SUPT3H: variants seen among roughly 807,000 people sequenced by gnomAD.
SUPT3H encodes the protein SPT3 homolog, SAGA and STAGA complex component, also known as transcription initiation protein SPT3 homolog.
A neutral mutation model predicts 44.3 loss-of-function variants in SUPT3H; 44 were observed. The observed-to-expected ratio is 0.99, with a 90% CI of 0.78 to 1.28. The LOEUF (loss-of-function observed/expected upper bound fraction) is 1.28, where lower values mean the gene tolerates loss of function less well. SUPT3H is among the 50% of genes most tolerant of loss of function. The pLI, the probability that SUPT3H is intolerant of heterozygous loss-of-function variation, is 0.00. For synonymous variants in SUPT3H, 124 were observed against 125.6 expected, an observed-to-expected ratio of 0.99 and a Z score of 0.09; for missense variants, 380 against 387.1, an observed-to-expected ratio of 0.98 and a Z score of 0.15.
At chr6:45,254,209 C>A (rs780279448) in intron 2 of SUPT3H, among the ~76,000 whole-genome samples, 1 of 151,990 alleles carries the variant, frequency 6.6e-6, no homozygotes. Flanking sequence ...AATAGGAACC[C>A]AAGTTGTATT....
At chr6:44,886,798 C>T (rs946045343) in intron 10 of SUPT3H, among the ~76,000 whole-genome samples, 16 of 152,200 alleles carry the variant, frequency 1.1e-4, no homozygotes, top group Non-Finnish European at 1.8e-4. Flanking sequence ...GGACTAAATG[C>T]TCCAATTAAA....
At chr6:45,362,051 C>A (rs569290543) in intron 2 of SUPT3H, among the ~76,000 whole-genome samples, 2 of 152,170 alleles carry the variant, frequency 1.3e-5, no homozygotes, top group Admixed American at 1.3e-4. Flanking sequence ...AGATTCCTCT[C>A]AAAAACAACA....
At chr6:44,941,937 A>G (rs905611495) in intron 9 of SUPT3H, among the ~76,000 whole-genome samples, 7 of 152,164 alleles carry the variant, frequency 4.6e-5, no homozygotes, top group Admixed American at 2.6e-4. Flanking sequence ...AAGCCTCTGA[A>G]GTGGAACAAT....
At chr6:45,158,292 A>ATTTTTTTTTTTTTTTTTTT in intron 2 of SUPT3H, among the ~76,000 whole-genome samples, 1 of 32,340 alleles carries the variant, frequency 3.1e-5, no homozygotes, top group African/African-American at 1.1e-4. Context: ...ATATATATAT[A>ATTTTTTTTTTTTTTTTTTT]TATATATTTT....
intron 2 of SUPT3H, among the ~76,000 whole-genome samples, chr6:45,146,815 A>C (rs1159658428): frequency 6.6e-6 from 1 of 152,144 alleles, no homozygotes; most frequent in Non-Finnish European, 1.5e-5. Flanking sequence ...ATTGAGAAGA[A>C]GCAGCACATC....
chr6:45,347,632 T>C (rs1479918670), intron 2 of SUPT3H, among the ~76,000 whole-genome samples: 1 of 152,106 alleles, frequency 6.6e-6, no homozygotes, highest in Non-Finnish European at 1.5e-5. Flanking sequence ...AGCAAGGGAA[T>C]ATGCACATGA....
At chr6:44,949,449 A>G (rs1773924975) in intron 9 of SUPT3H, among the ~76,000 whole-genome samples, 1 of 152,098 alleles carries the variant, frequency 6.6e-6, no homozygotes, top group African/African-American at 2.4e-5. Flanking sequence ...AAAAGAAAAA[A>G]AAGAAAAAAA....
In SUPT3H at chr6:45,158,250, C is replaced by T. The variant is rs909029450; in HGVS notation, c.102-52244G>A. On this transcript the variant is annotated intron_variant, in intron 2 of 10. Transcript: ENST00000371459. Reference sequence around the variant, plus strand: ...TAGATAGATAGATAGATAGATAATGCCTATATTTTATATATATAAATATAC... The same window carrying T: ...TAGATAGATAGATAGATAGATAATGTCTATATTTTATATATATAAATATAC... Among the ~76,000 whole-genome samples, 341 of 116,364 alleles carry T rather than the reference C, an allele frequency of 2.9e-3. 2 individuals are homozygous for T. Among genetic ancestry groups the T allele is most frequent in the Non-Finnish European group, 4.8e-3 (272 of 57,040 alleles). The allele number at this position is 116,364 out of a possible 152,430, so 76.3% of individuals were successfully genotyped here. A position where few individuals can be genotyped will look rare whatever the true frequency, so the allele number is the denominator to read the frequency against.
chr6:45,273,788 T>G (rs1649584685), intron 2 of SUPT3H, among the ~76,000 whole-genome samples: 1 of 152,218 alleles, frequency 6.6e-6, no homozygotes. Flanking sequence ...GTACAAATTT[T>G]GTGTGGACTT....
chr6:44,896,669 T>A (rs1373987669), intron 10 of SUPT3H, among the ~76,000 whole-genome samples: 1 of 152,172 alleles, frequency 6.6e-6, no homozygotes, highest in Non-Finnish European at 1.5e-5. Context: ...TTTAAACACA[T>A]CTCCTTACTA....
At chr6:45,329,000 A>C (rs1182212174) in intron 2 of SUPT3H, among the ~76,000 whole-genome samples, 1 of 152,020 alleles carries the variant, frequency 6.6e-6, no homozygotes, top group Non-Finnish European at 1.5e-5. Context: ...TGAAATATAC[A>C]AAATTAAATT....
intron 2 of SUPT3H, 22 bp downstream of exon 2, chr6:45,365,179 T>C (rs369776050): frequency 2.1e-5 from 29 of 1,397,882 alleles, no homozygotes; most frequent in Non-Finnish European, 2.9e-5. Context: ...GTAATAGCAA[T>C]AGCATGCAGG....
chr6:44,832,795 C>A (rs942790586), intron 10 of SUPT3H, among the ~76,000 whole-genome samples: 1 of 152,016 alleles, frequency 6.6e-6, no homozygotes, highest in Admixed American at 6.6e-5. Flanking sequence ...TAAGCAGATA[C>A]AGATTTTACC....
At chr6:45,168,283 C>A (rs1810232258) in intron 2 of SUPT3H, among the ~76,000 whole-genome samples, 2 of 152,232 alleles carry the variant, frequency 1.3e-5, no homozygotes, top group African/African-American at 4.8e-5. Context: ...TATCTGTTAT[C>A]CAAAATGCTT....
intron 3 of SUPT3H, chr6:45,099,122 C>A (rs920995212): frequency 2.3e-5 from 8 of 343,558 alleles, no homozygotes; most frequent in African/African-American, 6.6e-5. Context: ...GTCTTCCACA[C>A]CCCCAACCCC....
chr6:44,864,903 T>A (rs1432844855), intron 10 of SUPT3H, among the ~76,000 whole-genome samples: 1 of 152,222 alleles, frequency 6.6e-6, no homozygotes, highest in Non-Finnish European at 1.5e-5. Flanking sequence ...TGGCTTGAAT[T>A]TCTCCTCATA....
At chr6:45,178,443 T>A (rs878855655) in intron 2 of SUPT3H, among the ~76,000 whole-genome samples, 3 of 151,764 alleles carry the variant, frequency 2.0e-5, no homozygotes, top group African/African-American at 7.3e-5. Flanking sequence ...CAAAGAGACT[T>A]AGACTCCCAC....
chr6:44,846,434 G>A (rs961564639), intron 10 of SUPT3H, among the ~76,000 whole-genome samples: 3 of 152,170 alleles, frequency 2.0e-5, no homozygotes, highest in Non-Finnish European at 4.4e-5. Context: ...TACAGTTGAA[G>A]GGAGGAACCT....
At chr6:44,923,581 C>T (rs1056058953) in intron 10 of SUPT3H, among the ~76,000 whole-genome samples, 2 of 152,084 alleles carry the variant, frequency 1.3e-5, no homozygotes, top group Non-Finnish European at 2.9e-5. Context: ...CTGTGCTGAA[C>T]TAAATTTCAG....
Sources: allele counts gnomAD v4.1 joint callset (sites outside exome capture counted in the v4.1 genomes callset), GRCh38; gene constraint gnomAD v4.1.1; transcripts MANE v1.5; gene names NCBI Gene and HGNC (gene_info 2026-07-23, HGNC 2026-07-21).